The following DIPK1A variants were observed in gnomAD, a reference collection of about 807,000 sequenced individuals.
DIPK1A encodes family with sequence similarity 69 member A.
DIPK1A carries 27 observed loss-of-function variants against 40.8 expected under a neutral mutation model. That is an observed-to-expected ratio of 0.66 (90% CI 0.49 to 0.91). The LOEUF (loss-of-function observed/expected upper bound fraction) is 0.91. Among genes scored for constraint, DIPK1A ranks in the 40% least tolerant of loss-of-function variants. DIPK1A has a pLI of 0.00. For missense variants in DIPK1A, 412 were observed against 505.7 expected, an observed-to-expected ratio of 0.81 and a Z score of 1.78; for synonymous variants, 166 against 171.3, an observed-to-expected ratio of 0.97 and a Z score of 0.24.
intron 1 of DIPK1A, among the ~76,000 whole-genome samples, chr1:92,876,728 C>T (rs531544315): frequency 6.6e-6 from 1 of 152,096 alleles, no homozygotes; most frequent in African/African-American, 2.4e-5. Context: ...ACCATGCTAC[C>T]CTGGGCACCT....
At chr1:92,957,210 C>T (rs1212474088) in intron 1 of DIPK1A, among the ~76,000 whole-genome samples, 1 of 152,194 alleles carries the variant, frequency 6.6e-6, no homozygotes, top group African/African-American at 2.4e-5. Flanking sequence ...AGAAAACACA[C>T]TGCTAAAAAA....
At chr1:92,899,457 T>C (rs142062635) in intron 1 of DIPK1A, among the ~76,000 whole-genome samples, 295 of 152,364 alleles carry the variant, frequency 1.9e-3, no homozygotes, top group African/African-American at 7.0e-3. Context: ...GAAGTGAGTT[T>C]CTTGTAGGCA....
chr1:92,886,114 C>T (rs755163901), intron 1 of DIPK1A, among the ~76,000 whole-genome samples: 7 of 152,024 alleles, frequency 4.6e-5, no homozygotes, highest in Non-Finnish European at 2.9e-5. Context: ...GGGTGGATTG[C>T]TTGAGTCCAG....
chr1:92,841,609 A>T (rs1443527298), downstream of DIPK1A, among the ~76,000 whole-genome samples: 1 of 152,236 alleles, frequency 6.6e-6, no homozygotes, highest in Non-Finnish European at 1.5e-5. Context: ...GCTTAAGATC[A>T]TACATAAGTA....
chr1:92,953,616 T>A (rs998544611), intron 1 of DIPK1A, among the ~76,000 whole-genome samples: 6 of 152,206 alleles, frequency 3.9e-5, no homozygotes, highest in African/African-American at 1.2e-4. Flanking sequence ...ATGGGTGACA[T>A]TATGTTAAGT....
rs1044305670 is a variant in DIPK1A, at chr1:92,893,352, A to T, written c.55-16922T>A. Among the ~76,000 whole-genome samples, 94 of 152,012 alleles carry T rather than the reference A, an allele frequency of 6.2e-4. 4 individuals are homozygous for T. The South Asian group carries it at 6.9e-3, about 11-fold the overall frequency. ...AAGAGAGTGGGGGCCAATATTCAACATGCTTAAAGAAAAGAATTTTCAACC... is the reference window on the plus strand; with the variant it reads ...AAGAGAGTGGGGGCCAATATTCAACTTGCTTAAAGAAAAGAATTTTCAACC... On this transcript the variant is annotated intron_variant, in intron 1 of 4. Coordinates refer to ENST00000370310, the MANE Select transcript of DIPK1A (RefSeq NM_001006605.5).
At chr1:92,841,950 T>C, downstream of DIPK1A, 2 of 1,148,094 alleles carry the variant, frequency 1.7e-6, no homozygotes, top group African/African-American at 1.6e-5. Context: ...CTTATTCTTA[T>C]GAACCTTATA....
intron 1 of DIPK1A, among the ~76,000 whole-genome samples, chr1:92,894,773 G>A (rs567733369): frequency 1.1e-4 from 17 of 152,022 alleles, no homozygotes; most frequent in Admixed American, 9.8e-4. Context: ...TAATAAAGAA[G>A]AAAAGAGAGA....
intron 1 of DIPK1A, among the ~76,000 whole-genome samples, chr1:92,943,769 GTCTA>G (rs1651260915): frequency 6.6e-6 from 1 of 152,102 alleles, no homozygotes; most frequent in Non-Finnish European, 1.5e-5. Context: ...CCGGTGATAG[GTCTA>G]ATGGGAAAAC....
chr1:92,946,254 AATAAT>A lies in DIPK1A; in HGVS notation c.54+15117_54+15121del, dbSNP rs1312856159. ...CTTTATGGAAGAATTAACAAGTCAT[AATAAT>A]ATAATATTATTTATAGTTCTCATAT... On this transcript the variant is annotated intron_variant, in intron 1 of 4. Coordinates refer to ENST00000370310, the MANE Select transcript of DIPK1A (RefSeq NM_001006605.5). Among the ~76,000 whole-genome samples the A allele has an allele frequency of 2.6e-5, 4 of 152,184 alleles. No homozygotes were observed. The East Asian group carries it at 7.7e-4, about 29-fold the overall frequency.
chr1:92,917,087 T>C (rs1345337255), intron 1 of DIPK1A, among the ~76,000 whole-genome samples: 2 of 152,242 alleles, frequency 1.3e-5, no homozygotes, highest in Non-Finnish European at 2.9e-5. Flanking sequence ...CATTCAATGT[T>C]GTTAACATAG....
At chr1:92,852,518 T>C (rs1310773765) in intron 2 of DIPK1A, among the ~76,000 whole-genome samples, 1 of 150,874 alleles carries the variant, frequency 6.6e-6, no homozygotes, top group Non-Finnish European at 1.5e-5. Flanking sequence ...AAGAAAAAAA[T>C]TTCTAGAAGA....
chr1:92,836,611 G>A, intron 4 of DIPK1A: 5 of 558,042 alleles, frequency 9.0e-6, no homozygotes, highest in Non-Finnish European at 1.6e-5. Flanking sequence ...CAAGTTTTTC[G>A]GGCCAGTTAT....
At chr1:92,863,341 C>A (rs572793939) in intron 2 of DIPK1A, among the ~76,000 whole-genome samples, 23 of 152,188 alleles carry the variant, frequency 1.5e-4, no homozygotes, top group African/African-American at 4.8e-4. Flanking sequence ...ATGAGCTAAT[C>A]CTAACAGTGA....
At chr1:92,912,342 G>A (rs998831075) in intron 1 of DIPK1A, among the ~76,000 whole-genome samples, 37 of 152,100 alleles carry the variant, frequency 2.4e-4, no homozygotes, top group African/African-American at 6.3e-4. Context: ...GTTTGTGGGC[G>A]TTAGTTTTTT....
intron 4 of DIPK1A, chr1:92,846,536 C>A (rs1400236213): frequency 2.5e-6 from 1 of 404,564 alleles, no homozygotes. Flanking sequence ...GTACAGCACT[C>A]CAATTAATTA....
intron 1 of DIPK1A, among the ~76,000 whole-genome samples, chr1:92,950,681 A>C (rs1221665293): frequency 6.6e-6 from 1 of 152,220 alleles, no homozygotes; most frequent in Non-Finnish European, 1.5e-5. Flanking sequence ...ACTGCACTCC[A>C]GTCTAGGAAA....
At chr1:92,924,937 T>C (rs1650431143) in intron 1 of DIPK1A, among the ~76,000 whole-genome samples, 1 of 152,258 alleles carries the variant, frequency 6.6e-6, no homozygotes, top group African/African-American at 2.4e-5. Flanking sequence ...TGATGTTAGC[T>C]GAAGTCATGT....
chr1:92,947,540 T>G (rs1651422896), intron 1 of DIPK1A, among the ~76,000 whole-genome samples: 1 of 152,164 alleles, frequency 6.6e-6, no homozygotes, highest in South Asian at 2.1e-4. Flanking sequence ...TTATGGAGGT[T>G]CTTCAAAAAA....
Sources: gnomAD v4.1 joint callset for allele counts (sites outside exome capture counted in the v4.1 genomes callset) on GRCh38, gnomAD v4.1.1 for gene constraint, MANE v1.5 for transcripts, NCBI Gene and HGNC (gene_info 2026-07-23, HGNC 2026-07-21) for gene names.